GALNT7: variants seen among roughly 807,000 people sequenced by gnomAD.
GALNT7 encodes the protein polypeptide N-acetylgalactosaminyltransferase 7, also known as N-acetylgalactosaminyltransferase 7.
GALNT7 carries 60 observed loss-of-function variants against 82.1 expected under a neutral mutation model. The observed-to-expected ratio is 0.73, with a 90% CI of 0.59 to 0.91. The LOEUF (loss-of-function observed/expected upper bound fraction) is 0.91, where lower values mean the gene tolerates loss of function less well. GALNT7 is among the 40% of genes least tolerant of loss of function. The pLI, the probability that GALNT7 is intolerant of heterozygous loss-of-function variation, is 0.00. For synonymous variants in GALNT7, 243 were observed against 275.1 expected (o/e 0.88, Z 1.15); for missense variants, 660 against 804.2 (o/e 0.82, Z 2.17).
At chr4:173,170,170 C>A (rs906390663) in intron 1 of GALNT7, among the ~76,000 whole-genome samples, 1 of 152,184 alleles carries the variant, frequency 6.6e-6, no homozygotes, top group Non-Finnish European at 1.5e-5. Flanking sequence ...GCTTCCTCCT[C>A]CCCGCTGGGA....
rs1451339829 is a variant in GALNT7, at chr4:173,322,040, C to T, written c.*323C>T. 1 of 177,212 alleles carries T rather than the reference C, an allele frequency of 5.6e-6. No individual in the cohort carries two copies. Among genetic ancestry groups the T allele is most frequent in the East Asian group, 1.4e-4 (1 of 7,128 alleles). 11.0% of individuals were successfully genotyped at this position (177,212 alleles called of 1,614,324 possible). ...AAGCATGTTGTCTTCTTTGGGATTACACTCAGGGGTCTGAAAGGCAGTTTG... is the reference window on the plus strand; with the variant it reads ...AAGCATGTTGTCTTCTTTGGGATTATACTCAGGGGTCTGAAAGGCAGTTTG... On this transcript the variant is annotated 3_prime_UTR_variant, in exon 12 of 12. Coordinates refer to ENST00000265000, the MANE Select transcript of GALNT7 (RefSeq NM_017423.3).
At position 173,242,550 on chromosome 4, in the gene GALNT7, G is replaced by A. The variant is rs28517729; in HGVS notation, c.127-5430G>A. Among the ~76,000 whole-genome samples, 901 of 152,328 alleles carry A rather than the reference G, an allele frequency of 5.9e-3. 12 individuals carry two copies. The highest frequency in any genetic ancestry group is 0.021 in the African/African-American group (857 of 41,572). ...CTTATCCATTTTAAGCCCTGATTAA[G>A]CACAAATTCCTTGACCATGCCCAGC... On this transcript the variant is annotated intron_variant, in intron 1 of 11. Transcript: ENST00000265000.
At chr4:173,199,503 C>G (rs1047199656) in intron 1 of GALNT7, among the ~76,000 whole-genome samples, 1 of 152,162 alleles carries the variant, frequency 6.6e-6, no homozygotes, top group African/African-American at 2.4e-5. Flanking sequence ...ATCATCGTTA[C>G]AGTTGTCATC....
intron 6 of GALNT7, among the ~76,000 whole-genome samples, chr4:173,301,139 A>G (rs1033211920): frequency 6.6e-6 from 1 of 152,154 alleles, no homozygotes; most frequent in Non-Finnish European, 1.5e-5. Context: ...TGTCTCAAAA[A>G]AAAAAGATTT....
At chr4:173,192,255 T>C (rs542071259) in intron 1 of GALNT7, among the ~76,000 whole-genome samples, 59 of 152,332 alleles carry the variant, frequency 3.9e-4, no homozygotes, top group African/African-American at 1.4e-3. Context: ...CTTTCTTTTT[T>C]TGGCTTCAAG....
intron 1 of GALNT7, among the ~76,000 whole-genome samples, chr4:173,236,879 A>G (rs1734250130): frequency 6.6e-6 from 1 of 152,226 alleles, no homozygotes; most frequent in Non-Finnish European, 1.5e-5. Flanking sequence ...AACAGAAAGG[A>G]CAGTTCTTTT....
chr4:173,178,617 A>G (rs1357956996), intron 1 of GALNT7, among the ~76,000 whole-genome samples: 1 of 152,240 alleles, frequency 6.6e-6, no homozygotes, highest in Admixed American at 6.5e-5. Flanking sequence ...ACTCCCAAGA[A>G]GCATTTAAAC....
At chr4:173,265,058 G>A (rs1451023612) in intron 2 of GALNT7, among the ~76,000 whole-genome samples, 1 of 152,218 alleles carries the variant, frequency 6.6e-6, no homozygotes, top group Non-Finnish European at 1.5e-5. Context: ...TCATGTACAA[G>A]CCACTCAACA....
At chr4:173,300,937 C>A (rs59268445) in intron 6 of GALNT7, among the ~76,000 whole-genome samples, 1 of 151,932 alleles carries the variant, frequency 6.6e-6, no homozygotes, top group African/African-American at 2.4e-5. Context: ...AGTTCTAGAC[C>A]AGTCTGAGCA....
chr4:173,189,864 G>A (rs890398202), intron 1 of GALNT7, among the ~76,000 whole-genome samples: 9 of 152,200 alleles, frequency 5.9e-5, no homozygotes, highest in African/African-American at 2.2e-4. Context: ...AATACATGAA[G>A]GCTGAACAAT....
At chr4:173,178,194 C>G (rs1264326302) in intron 1 of GALNT7, among the ~76,000 whole-genome samples, 1 of 151,954 alleles carries the variant, frequency 6.6e-6, no homozygotes, top group African/African-American at 2.4e-5. Flanking sequence ...AAAGCTGTGA[C>G]TAGAAAACCA....
intron 1 of GALNT7, among the ~76,000 whole-genome samples, chr4:173,222,024 T>C (rs1278520477): frequency 6.6e-6 from 1 of 152,146 alleles, no homozygotes; most frequent in African/African-American, 2.4e-5. Flanking sequence ...ATTAAGCTAT[T>C]GGATGCTGTA....
At chr4:173,276,296 T>G (rs1489303460) in intron 2 of GALNT7, among the ~76,000 whole-genome samples, 2 of 152,178 alleles carry the variant, frequency 1.3e-5, no homozygotes, top group African/African-American at 4.8e-5. Context: ...TTCTGATGAT[T>G]AGTTTTGCTG....
chr4:173,320,151 G>GT lies in GALNT7; in HGVS notation c.1837-1428dup, dbSNP rs1737754072. 6.6e-6 allele frequency among the ~76,000 whole-genome samples: 1 copy of GT among 151,992 alleles called. No homozygotes were observed. The highest frequency in any genetic ancestry group is 6.6e-5 in the Admixed American group (1 of 15,240). ...CTTTTAGGAAAATAATTCTGGAAAC[G>GT]TGAGGTATGGACTGATGAAGCAACG... is the stretch of plus-strand genomic sequence containing the variant. On this transcript the variant is annotated intron_variant, in intron 11 of 11. Coordinates refer to ENST00000265000, the MANE Select transcript of GALNT7 (RefSeq NM_017423.3). The surrounding 1 kb of genome is among the most constrained non-coding windows in gnomAD (Gnocchi z 4.1).
chr4:173,187,354 T>C (rs1055517337), intron 1 of GALNT7, among the ~76,000 whole-genome samples: 17 of 151,716 alleles, frequency 1.1e-4, no homozygotes, highest in Non-Finnish European at 5.9e-5. Flanking sequence ...CATTTTAGTA[T>C]TGAGATGGTT....
At chr4:173,209,916 C>G (rs751623631) in intron 1 of GALNT7, among the ~76,000 whole-genome samples, 7 of 151,984 alleles carry the variant, frequency 4.6e-5, no homozygotes, top group Admixed American at 6.5e-5. Context: ...AGGTGGATCA[C>G]GAGGTCAGGA....
At chr4:173,172,720 A>G (rs1731916383) in intron 1 of GALNT7, among the ~76,000 whole-genome samples, 2 of 152,190 alleles carry the variant, frequency 1.3e-5, no homozygotes, top group South Asian at 4.1e-4. Flanking sequence ...ATTCTTGAGA[A>G]GGAGCATTTG....
intron 2 of GALNT7, among the ~76,000 whole-genome samples, chr4:173,253,014 A>G (rs1324116690): frequency 6.6e-6 from 1 of 152,112 alleles, no homozygotes; most frequent in Non-Finnish European, 1.5e-5. Flanking sequence ...AGCCTGGGCA[A>G]CATGGTAAAA....
chr4:173,181,534 A>C (rs1732245894), intron 1 of GALNT7, among the ~76,000 whole-genome samples: 1 of 152,236 alleles, frequency 6.6e-6, no homozygotes, highest in South Asian at 2.1e-4. Flanking sequence ...TTTCTGTATG[A>C]AATTAAGATA....
Sources: gnomAD v4.1 joint callset for allele counts (sites outside exome capture counted in the v4.1 genomes callset) on GRCh38, gnomAD v4.1.1 for gene constraint, Gnocchi (gnomAD v3.1) non-coding constraint, MANE v1.5 for transcripts, NCBI Gene and HGNC (gene_info 2026-07-23, HGNC 2026-07-21) for gene names.